LRMDA: variants seen among roughly 807,000 people sequenced by gnomAD.
LRMDA encodes leucine rich melanocyte differentiation associated.
A neutral mutation model predicts 29.8 loss-of-function variants in LRMDA; 18 were observed. The observed-to-expected ratio is 0.60, with a 90% CI of 0.42 to 0.90. LRMDA has a LOEUF of 0.90. LRMDA is among the 40% of genes least tolerant of loss of function. The pLI is 0.00. For synonymous variants in LRMDA, 125 were observed against 109.4 expected (o/e 1.14, Z -0.89); for missense variants, 273 against 273.9 (o/e 1.00, Z 0.02).
intron 5 of LRMDA, among the ~76,000 whole-genome samples, chr10:76,265,627 C>T (rs1310511345): frequency 1.3e-5 from 2 of 152,126 alleles, no homozygotes. Flanking sequence ...TAAGAGAGTG[C>T]TGGGGGAATG....
chr10:75,691,254 GTATATGTGTA>G (rs1842152686), intron 2 of LRMDA, among the ~76,000 whole-genome samples: 1 of 129,186 alleles, frequency 7.7e-6, no homozygotes, highest in African/African-American at 4.2e-5. Flanking sequence ...ATGTATGTAT[GTATATGTGTA>G]TATATATATA....
intron 2 of LRMDA, among the ~76,000 whole-genome samples, chr10:75,534,600 G>A (rs779468340): frequency 1.3e-5 from 2 of 152,156 alleles, no homozygotes; most frequent in Non-Finnish European, 2.9e-5. Flanking sequence ...TTCTTGGCAG[G>A]CAAGCTGCCT....
chr10:76,248,382 G>A (rs549104424), intron 5 of LRMDA, among the ~76,000 whole-genome samples: 15 of 152,192 alleles, frequency 9.9e-5, no homozygotes, highest in South Asian at 4.2e-4. Flanking sequence ...ACATATCTAG[G>A]CAATACTTCA....
chr10:75,697,167 T>C (rs927183569), intron 2 of LRMDA, among the ~76,000 whole-genome samples: 11 of 152,254 alleles, frequency 7.2e-5, no homozygotes, highest in South Asian at 2.1e-4. Context: ...ATAAAATGTT[T>C]ATTGATTTTT....
rs532881468 is a variant in LRMDA at position 76,448,418 on chromosome 10, T to C, written c.602-108791T>C. ...ATTACTTAGTAAAAGAGTATGAATATTTGTAAGGCACTTGATACATAATGA... is the reference window on the plus strand; with the variant it reads ...ATTACTTAGTAAAAGAGTATGAATACTTGTAAGGCACTTGATACATAATGA... On this transcript the variant is annotated intron_variant, in intron 6 of 6. Coordinates refer to ENST00000611255, the MANE Select transcript of LRMDA (RefSeq NM_001305581.2). Among the ~76,000 whole-genome samples the C allele has an allele frequency of 2.0e-5, 3 of 152,238 alleles. No individual in the cohort carries two copies. In the South Asian group the frequency reaches 6.2e-4, roughly 32 times the overall value.
intron 5 of LRMDA, among the ~76,000 whole-genome samples, chr10:76,316,489 C>T (rs998517114): frequency 6.6e-6 from 1 of 152,174 alleles, no homozygotes; most frequent in African/African-American, 2.4e-5. Flanking sequence ...GCCAGCTGAG[C>T]GCAGCCTGCT....
intron 5 of LRMDA, among the ~76,000 whole-genome samples, chr10:76,296,048 C>T (rs780719846): frequency 2.6e-5 from 4 of 152,166 alleles, no homozygotes; most frequent in Non-Finnish European, 4.4e-5. Flanking sequence ...TGCATGAATA[C>T]ATTTTATTGA....
chr10:75,590,314 C>T (rs748227273), intron 2 of LRMDA, among the ~76,000 whole-genome samples: 1 of 152,140 alleles, frequency 6.6e-6, no homozygotes. Flanking sequence ...CCACCACACC[C>T]AGCCGGAAGC....
At chr10:75,487,526 T>C (rs1844929370) in intron 2 of LRMDA, among the ~76,000 whole-genome samples, 1 of 152,152 alleles carries the variant, frequency 6.6e-6, no homozygotes, top group Non-Finnish European at 1.5e-5. Flanking sequence ...CATGGTTTCG[T>C]GTTTGGGATG....
chr10:75,919,090 A>G (rs1054089240), intron 2 of LRMDA, among the ~76,000 whole-genome samples: 3 of 152,198 alleles, frequency 2.0e-5, no homozygotes, highest in Admixed American at 6.5e-5. Flanking sequence ...ATTAATGTCT[A>G]TTTTAGACAG....
chr10:76,510,336 G>T (rs1331778976), intron 6 of LRMDA, among the ~76,000 whole-genome samples: 1 of 152,158 alleles, frequency 6.6e-6, no homozygotes. Context: ...CTCCCAAAGT[G>T]CTGGGATTAC....
intron 5 of LRMDA, among the ~76,000 whole-genome samples, chr10:76,254,300 TATACC>T (rs1554859356): frequency 2.2e-5 from 2 of 90,626 alleles, no homozygotes; most frequent in South Asian, 4.2e-4. Context: ...TATACTATAC[TATACC>T]ATACCATACC....
At chr10:76,513,290 A>G (rs988103023) in intron 6 of LRMDA, among the ~76,000 whole-genome samples, 13 of 152,194 alleles carry the variant, frequency 8.5e-5, no homozygotes, top group African/African-American at 3.1e-4. Flanking sequence ...TAAAATACAA[A>G]AGCTAATTGG....
At chr10:76,184,757 G>A (rs546990387) in intron 5 of LRMDA, among the ~76,000 whole-genome samples, 2 of 152,058 alleles carry the variant, frequency 1.3e-5, no homozygotes, top group South Asian at 2.1e-4. Flanking sequence ...TAACATTCCC[G>A]CTGTCTTCTT....
At chr10:75,596,957 T>TTTCTTTCTTTCTC (rs1840797359) in intron 2 of LRMDA, among the ~76,000 whole-genome samples, 3 of 144,204 alleles carry the variant, frequency 2.1e-5, no homozygotes, top group Non-Finnish European at 4.5e-5. Flanking sequence ...CTTTCTTTCT[T>TTTCTTTCTTTCTC]TTTTTTTTTT....
At chr10:75,851,691 CAA>C (rs1226960223) in intron 2 of LRMDA, among the ~76,000 whole-genome samples, 1 of 152,196 alleles carries the variant, frequency 6.6e-6, no homozygotes, top group East Asian at 1.9e-4. Context: ...TGATAAAATG[CAA>C]AGTCACTGGC....
chr10:75,454,120 G>A (rs1371361166), intron 2 of LRMDA, among the ~76,000 whole-genome samples: 2 of 152,328 alleles, frequency 1.3e-5, no homozygotes, highest in East Asian at 3.9e-4. Flanking sequence ...TCTCTGTGTA[G>A]CATCCTTCCT....
rs541944120 is a variant in LRMDA, at chr10:76,301,989, A to G, written c.517-22412A>G. On this transcript the variant is annotated intron_variant, in intron 5 of 6. Transcript: ENST00000611255. Reference sequence around the variant, plus strand: ...AGCAAGTTGTTTGCTTAAAATGTTCATGGCCTCCCTAGGCTGGAGTAAAGT... The same window carrying G: ...AGCAAGTTGTTTGCTTAAAATGTTCGTGGCCTCCCTAGGCTGGAGTAAAGT... Among the ~76,000 whole-genome samples, 5 of 152,350 alleles carry G rather than the reference A, an allele frequency of 3.3e-5. No homozygotes were observed. The South Asian group carries it at 1.0e-3, about 32-fold the overall frequency.
intron 2 of LRMDA, among the ~76,000 whole-genome samples, chr10:75,990,589 T>C (rs1399785388): frequency 6.6e-6 from 1 of 152,242 alleles, no homozygotes; most frequent in African/African-American, 2.4e-5. Flanking sequence ...TCAGCTCTCT[T>C]GCTCCTTAAA....
Sources: allele counts gnomAD v4.1 joint callset (sites outside exome capture counted in the v4.1 genomes callset), GRCh38; gene constraint gnomAD v4.1.1; transcripts MANE v1.5; gene names NCBI Gene and HGNC (gene_info 2026-07-23, HGNC 2026-07-21).